ADAM12: variants seen among roughly 807,000 people sequenced by gnomAD.
ADAM12 encodes ADAM metallopeptidase domain 12, also known as disintegrin and metalloproteinase domain-containing protein 12.
In ADAM12, 70 loss-of-function variants were observed where a neutral mutation model predicts 106.4. The ratio of observed to expected loss-of-function variants is 0.66; its 90% confidence interval spans 0.54 to 0.80. The LOEUF is 0.80. Ranked by LOEUF, ADAM12 falls within the 30% of genes least tolerant of loss-of-function variation. ADAM12 has a pLI of 0.00. For missense variants in ADAM12, 1,010 were observed against 1,171.9 expected, an observed-to-expected ratio of 0.86 and a Z score of 2.02; for synonymous variants, 420 against 433.5, an observed-to-expected ratio of 0.97 and a Z score of 0.39.
intron 21 of ADAM12, among the ~76,000 whole-genome samples, chr10:126,033,789 T>C (rs764313756): frequency 6.6e-6 from 1 of 152,132 alleles, no homozygotes. Flanking sequence ...CTCATCACCA[T>C]GGAGTCCAGA....
At chr10:126,226,780 G>C (rs1350638204) in intron 3 of ADAM12, among the ~76,000 whole-genome samples, 2 of 152,118 alleles carry the variant, frequency 1.3e-5, no homozygotes, top group Admixed American at 6.5e-5. Flanking sequence ...TATGTGCCAG[G>C]CACTTTACCG....
chr10:126,368,146 T>C (rs1855981230), intron 1 of ADAM12, among the ~76,000 whole-genome samples: 1 of 151,928 alleles, frequency 6.6e-6, no homozygotes, highest in African/African-American at 2.4e-5. Flanking sequence ...TATGTGTGTA[T>C]GTGTATATAT....
intron 1 of ADAM12, among the ~76,000 whole-genome samples, chr10:126,337,972 C>A (rs1854770340): frequency 1.3e-5 from 2 of 152,136 alleles, no homozygotes; most frequent in African/African-American, 4.8e-5. Context: ...AACAACAATT[C>A]TTCTGGCACC....
At chr10:126,251,623 T>G (rs1209701678) in intron 3 of ADAM12, among the ~76,000 whole-genome samples, 1 of 139,282 alleles carries the variant, frequency 7.2e-6, no homozygotes, top group Non-Finnish European at 1.6e-5. Context: ...CATGGATAGA[T>G]GAATGGATGG....
chr10:126,169,688 A>G (rs1158850246), intron 3 of ADAM12, among the ~76,000 whole-genome samples: 1 of 152,244 alleles, frequency 6.6e-6, no homozygotes, highest in Non-Finnish European at 1.5e-5. Flanking sequence ...CACCTAAAAT[A>G]TATCTGTTTT....
intron 3 of ADAM12, among the ~76,000 whole-genome samples, chr10:126,180,451 AT>A (rs997600740): frequency 2.6e-5 from 4 of 152,326 alleles, no homozygotes; most frequent in South Asian, 2.1e-4. Flanking sequence ...CGTGGGTGGC[AT>A]GTAACGTTTA....
At chr10:126,336,796 A>G (rs118045358) in intron 1 of ADAM12, among the ~76,000 whole-genome samples, 156 of 152,316 alleles carry the variant, frequency 1.0e-3, no homozygotes, top group Non-Finnish European at 1.3e-3. Context: ...TGTAGCTACC[A>G]CGCTGGCAGG....
chr10:126,380,899 G>A (rs1205802011), intron 1 of ADAM12, among the ~76,000 whole-genome samples: 3 of 152,148 alleles, frequency 2.0e-5, no homozygotes. Flanking sequence ...AATCATGGAC[G>A]CTGCAGAAAC....
chr10:126,276,595 C>A (rs779779953), intron 3 of ADAM12, among the ~76,000 whole-genome samples: 12 of 152,030 alleles, frequency 7.9e-5, no homozygotes, highest in Admixed American at 6.6e-4. Flanking sequence ...TTGGCATCCT[C>A]TTATTATGAA....
rs1045168505 is a variant in ADAM12 at position 126,109,848 on chromosome 10, G to C, written c.604-8C>G. ...GAGGGTCTCTCTTTTATGCTGCCAA[G>C]AGTAAACATGCACTTAATCTCTCTT... On this transcript the variant is annotated splice_region_variant and splice_polypyrimidine_tract_variant and intron_variant, in intron 6 of 22. Transcript: ENST00000448723. The C allele has an allele frequency of 3.4e-5, 55 of 1,611,678 alleles. No homozygotes were observed. Among genetic ancestry groups the C allele is most frequent in the Non-Finnish European group, 4.3e-5 (51 of 1,179,350 alleles).
At chr10:126,296,996 G>T (rs548422134) in intron 2 of ADAM12, among the ~76,000 whole-genome samples, 1 of 152,212 alleles carries the variant, frequency 6.6e-6, no homozygotes, top group Non-Finnish European at 1.5e-5. Flanking sequence ...TGAGATGCTG[G>T]TGTTGGTGAG....
rs1954247436 is a variant in ADAM12 at position 126,043,976 on chromosome 10, G to A, written c.1996-828C>T. Reference sequence around the variant, plus strand: ...AGAGCATTCCATGCAGGGGCCAGCAGCCCCTGCCCACCTGGTTACCAAGGG... The same window carrying A: ...AGAGCATTCCATGCAGGGGCCAGCAACCCCTGCCCACCTGGTTACCAAGGG... On this transcript the variant is annotated intron_variant, in intron 17 of 22. Transcript: ENST00000448723. This position sits in a 1 kb window ranked among gnomAD's most constrained non-coding sequence, Gnocchi z 4.1. Among the ~76,000 whole-genome samples, 1 of 152,186 alleles carries A rather than the reference G, an allele frequency of 6.6e-6. No individual in the cohort carries two copies. The highest frequency in any genetic ancestry group is 1.5e-5 in the Non-Finnish European group (1 of 68,038).
chr10:126,106,365 G>A (rs912061759), intron 8 of ADAM12, among the ~76,000 whole-genome samples: 1 of 152,016 alleles, frequency 6.6e-6, no homozygotes, highest in Non-Finnish European at 1.5e-5. Context: ...ACAGTAACTG[G>A]TAAAAATAAT....
At chr10:126,283,327 T>C (rs1959680439) in intron 2 of ADAM12, among the ~76,000 whole-genome samples, 1 of 152,178 alleles carries the variant, frequency 6.6e-6, no homozygotes, top group Admixed American at 6.5e-5. Flanking sequence ...GATATGAGTT[T>C]CCCTGGCTAA....
intron 1 of ADAM12, among the ~76,000 whole-genome samples, chr10:126,343,389 T>C (rs1036180466): frequency 6.6e-6 from 1 of 152,234 alleles, no homozygotes; most frequent in Non-Finnish European, 1.5e-5. Flanking sequence ...TAGTATTCCA[T>C]GGTGTATATG....
chr10:126,178,768 C>A (rs191166003), intron 3 of ADAM12, among the ~76,000 whole-genome samples: 4 of 152,086 alleles, frequency 2.6e-5, no homozygotes, highest in African/African-American at 9.7e-5. Context: ...TCAAGCAGGC[C>A]GGGCGCAGTG....
At chr10:126,372,875 A>G (rs1856157130) in intron 1 of ADAM12, among the ~76,000 whole-genome samples, 1 of 152,226 alleles carries the variant, frequency 6.6e-6, no homozygotes, top group Non-Finnish European at 1.5e-5. Context: ...GAAACAGAAA[A>G]GAGACTAAAG....
At chr10:126,024,804 A>G (rs187126608) in intron 21 of ADAM12, among the ~76,000 whole-genome samples, 91 of 152,150 alleles carry the variant, frequency 6.0e-4, no homozygotes, top group African/African-American at 2.1e-3. Context: ...AAATTTGATT[A>G]TACACTAAAT....
At chr10:126,246,247 A>G (rs746369463) in intron 3 of ADAM12, among the ~76,000 whole-genome samples, 4 of 152,184 alleles carry the variant, frequency 2.6e-5, no homozygotes, top group African/African-American at 4.8e-5. Flanking sequence ...AGACTGAGAT[A>G]TTGATCTGTG....
Sources: allele counts gnomAD v4.1 joint callset (sites outside exome capture counted in the v4.1 genomes callset), GRCh38; gene constraint gnomAD v4.1.1; non-coding constraint Gnocchi (gnomAD v3.1); transcripts MANE v1.5; gene names NCBI Gene and HGNC (gene_info 2026-07-23, HGNC 2026-07-21).